Variants in CAPN9 observed in about 807,000 individuals in gnomAD.
CAPN9 encodes the protein calpain 9.
Under a neutral mutation model 92.8 loss-of-function variants are expected in CAPN9, and 81 were observed. That is an observed-to-expected ratio of 0.87 (90% CI 0.73 to 1.05). CAPN9 has a LOEUF of 1.05. Among genes scored for constraint, CAPN9 ranks in the 50% least tolerant of loss-of-function variants. The probability of loss-of-function intolerance (pLI) is 0.00; values close to 1 mark genes in which losing one functional copy is unlikely to be tolerated. For missense variants in CAPN9, 848 were observed against 866.2 expected (o/e 0.98, Z 0.26); for synonymous variants, 304 against 328.0 (o/e 0.93, Z 0.79).
At chr1:230,767,975 G>A (rs1332173893) in intron 5 of CAPN9, among the ~76,000 whole-genome samples, 1 of 148,734 alleles carries the variant, frequency 6.7e-6, no homozygotes, top group East Asian at 2.0e-4. Flanking sequence ...TAACAAACCT[G>A]CACGTTGTGC....
chr1:230,787,538 C>T lies in CAPN9; in HGVS notation c.1535C>T (p.Pro512Leu), dbSNP rs773931201. 1 of 1,613,970 alleles carries T rather than the reference C, an allele frequency of 6.2e-7. No homozygotes were observed. The highest frequency in any genetic ancestry group is 1.3e-5 in the African/African-American group (1 of 74,916). ...IDLPEPPKPT[P>L]PDQETEEEQR... ...GTTTTTTAGCCTCCAAAGCCAACTC[C>T]ACCTGACCAGGAGACAGAGGAGGAG... Residue 512 changes from proline to leucine, a missense_variant, in exon 13 of 20, where the codon CCA (proline) becomes CTA (leucine). Transcript: ENST00000271971.
intron 16 of CAPN9, 39 bp downstream of exon 16, chr1:230,792,533 C>A: frequency 6.6e-7 from 1 of 1,506,908 alleles, no homozygotes; most frequent in South Asian, 1.1e-5. Flanking sequence ...CTGGGGGACC[C>A]AGTGAACCTA....
At position 230,779,074 on chromosome 1, in the gene CAPN9, C is replaced by G; in HGVS notation, c.1055C>G (p.Thr352Arg). The G allele has an allele frequency of 6.2e-7, 1 of 1,613,414 alleles. No individual in the cohort carries two copies. The change falls in exon 9 of 20, where the codon ACG becomes AGG. Residue 352 changes from threonine to arginine, a missense_variant. Physicochemically the swap from Thr to Arg is moderately conservative, Grantham distance 71. Coordinates refer to ENST00000271971, the MANE Select transcript of CAPN9 (RefSeq NM_006615.3). ...EEDAIHKWEV[T>R]VHQGSWVRGS... ...GACGCGATCCACAAATGGGAGGTGA[C>G]GGTCCATCAGGGAAGCTGGGTTCGC...
At chr1:230,794,999 G>C in intron 17 of CAPN9, 164 bp from the exon 18 acceptor site, 1 of 605,810 alleles carries the variant, frequency 1.7e-6, no homozygotes, top group Non-Finnish European at 3.0e-6. Context: ...TTCACACCAA[G>C]GGCAGCAGTC....
intron 16 of CAPN9, 69 bp from the exon 17 acceptor site, chr1:230,792,781 C>T: frequency 7.5e-7 from 1 of 1,326,348 alleles, no homozygotes; most frequent in Non-Finnish European, 1.1e-6. Context: ...TGGCTGTCAC[C>T]CATTTACTGC....
At chr1:230,766,252 C>T (rs1002736606) in intron 4 of CAPN9, among the ~76,000 whole-genome samples, 1 of 152,130 alleles carries the variant, frequency 6.6e-6, no homozygotes, top group Non-Finnish European at 1.5e-5. Context: ...CCAACCACCA[C>T]ACCCAGCTAT....
At chr1:230,775,555 C>T (rs908307364) in intron 8 of CAPN9, among the ~76,000 whole-genome samples, 1 of 152,158 alleles carries the variant, frequency 6.6e-6, no homozygotes, top group Admixed American at 6.5e-5. Flanking sequence ...TGGTTTCTGG[C>T]TCTATTCCCT....
At position 230,784,486 on chromosome 1, in the gene CAPN9, T is replaced by A. The variant is rs1426247075; in HGVS notation, c.1482-1495T>A. Among the ~76,000 whole-genome samples the A allele has an allele frequency of 3.9e-5, 6 of 152,358 alleles. No individual in the cohort carries two copies. The South Asian group carries it at 6.2e-4, about 16-fold the overall frequency. ...ACTGCTCTATGCAGCCTCAGGACAC[T>A]GTTACCTGCATCCCAGCTGCTCCAG... is the stretch of plus-strand genomic sequence containing the variant. On this transcript the variant is annotated intron_variant, in intron 11 of 19. Coordinates refer to ENST00000271971, the MANE Select transcript of CAPN9 (RefSeq NM_006615.3).
intron 15 of CAPN9, 148 bp from the exon 16 acceptor site, chr1:230,792,278 A>G: frequency 1.5e-6 from 1 of 666,060 alleles, no homozygotes; most frequent in Non-Finnish European, 2.7e-6. Context: ...TTTGTGGTTT[A>G]ATCATTAAAA....
chr1:230,797,449 G>C (rs1185269838), intron 18 of CAPN9, among the ~76,000 whole-genome samples: 1 of 152,016 alleles, frequency 6.6e-6, no homozygotes, highest in Non-Finnish European at 1.5e-5. Flanking sequence ...CCTTTTTACA[G>C]TTGCTTGGTT....
intron 19 of CAPN9, among the ~76,000 whole-genome samples, chr1:230,798,731 G>A (rs1668503768): frequency 6.6e-6 from 1 of 152,184 alleles, no homozygotes; most frequent in Admixed American, 6.5e-5. Flanking sequence ...AAGGATTCCA[G>A]GGGGTTTCAA....
chr1:230,769,335 C>T, intron 6 of CAPN9, 72 bp downstream of exon 6: 1 of 1,041,566 alleles, frequency 9.6e-7, no homozygotes, highest in East Asian at 2.5e-5. Flanking sequence ...GGCATTTATT[C>T]AGTGCATTGC....
chr1:230,762,568 A>G (rs533671724), intron 3 of CAPN9, 85 bp from the exon 4 acceptor site: 2 of 1,517,610 alleles, frequency 1.3e-6, no homozygotes, highest in South Asian at 1.2e-5. Context: ...AGGGGAAAAA[A>G]GCAACAGGAT....
At chr1:230,767,760 T>G (rs368899138) in intron 5 of CAPN9, 51 bp downstream of exon 5, 110 of 1,542,574 alleles carry the variant, frequency 7.1e-5, no homozygotes, top group Non-Finnish European at 9.2e-5. Flanking sequence ...GGCTGCATAG[T>G]GCATTCCAGG....
chr1:230,786,917 G>T lies in CAPN9; in HGVS notation c.1519-605G>T, dbSNP rs568750452. On this transcript the variant is annotated intron_variant, in intron 12 of 19. Transcript: ENST00000271971. Reference sequence around the variant, plus strand: ...TGGCTTTACCCTCGTCCAAGGGCTGGAGGACTCGCAAGAGGCCCTGAGATA... The same window carrying T: ...TGGCTTTACCCTCGTCCAAGGGCTGTAGGACTCGCAAGAGGCCCTGAGATA... Among the ~76,000 whole-genome samples, 10 of 151,984 alleles carry T rather than the reference G, an allele frequency of 6.6e-5. 1 individual carries two copies. The highest frequency in any genetic ancestry group is 2.2e-4 in the African/African-American group (9 of 41,474).
chr1:230,792,844 C>T lies in CAPN9; in HGVS notation c.1792-6C>T, dbSNP rs763661225. The T allele has an allele frequency of 6.2e-7, 1 of 1,613,322 alleles. No homozygotes were observed. The highest frequency in any genetic ancestry group is 1.1e-5 in the South Asian group (1 of 91,050). ...CTTCTCAAGGCTTCTGCTCTCCACC[C>T]TTTAGAACCTTTTCCTTCGGTTTGA... On this transcript the variant is annotated splice_polypyrimidine_tract_variant and splice_region_variant and intron_variant, in intron 16 of 19. Transcript: ENST00000271971.
chr1:230,774,579 C>T lies in CAPN9; in HGVS notation c.901C>T (p.Pro301Ser). ...DSSPEWRSVG[P>S]AEQKRLCHTA... is the part of the protein sequence containing the mutation. ...TTCTCCGGAGTGGCGTTCTGTTGGTCCAGCTGAGCAGAAGCGTCTGTGTCA... is the reference window on the plus strand; with the variant it reads ...TTCTCCGGAGTGGCGTTCTGTTGGTTCAGCTGAGCAGAAGCGTCTGTGTCA... The change falls in exon 8 of 20, where the codon CCA becomes TCA. Residue 301 changes from proline to serine, a missense_variant. Pro to Ser is a moderately conservative substitution (Grantham distance 74, BLOSUM62 -1). Coordinates refer to ENST00000271971, the MANE Select transcript of CAPN9 (RefSeq NM_006615.3). 1 of 1,613,896 alleles carries T rather than the reference C, an allele frequency of 6.2e-7. No homozygotes were observed. Among genetic ancestry groups the T allele is most frequent in the Non-Finnish European group, 8.5e-7 (1 of 1,179,826 alleles).
At chr1:230,764,731 G>T (rs77145105) in intron 4 of CAPN9, among the ~76,000 whole-genome samples, 3,940 of 152,278 alleles carry the variant, frequency 0.026, 168 homozygotes, top group African/African-American at 0.088. Context: ...CTGAACAATC[G>T]AGTGAACGGA....
At chr1:230,790,955 G>T (rs1337723922) in intron 14 of CAPN9, among the ~76,000 whole-genome samples, 1 of 152,046 alleles carries the variant, frequency 6.6e-6, no homozygotes, top group South Asian at 2.1e-4. Context: ...CGTTTCAGGG[G>T]GAAAAAAAGG....
Sources: gnomAD v4.1 joint callset for allele counts (sites outside exome capture counted in the v4.1 genomes callset) on GRCh38, gnomAD v4.1.1 for gene constraint, MANE v1.5 for transcripts, NCBI Gene and HGNC (gene_info 2026-07-23, HGNC 2026-07-21) for gene names.